The following DPH3 variants were observed in gnomAD, a reference collection of about 807,000 sequenced individuals.
DPH3 encodes the protein diphthamide biosynthesis 3, also known as diphthamide biosynthesis protein 3.
In DPH3, 8 loss-of-function variants were observed where a neutral mutation model predicts 10.2. The observed-to-expected ratio is 0.79, with a 90% confidence interval of 0.46 to 1.42. The LOEUF is 1.42. Ranked by LOEUF, DPH3 falls within the 40% of genes most tolerant of loss-of-function variation. DPH3 has a pLI of 0.00. For synonymous variants in DPH3, 35 were observed against 35.6 expected (o/e 0.98, Z 0.06); for missense variants, 96 against 98.9 (o/e 0.97, Z 0.12).
rs1216667171 is a variant in DPH3, at chr3:16,260,686, G to A, written c.*78C>T. 6.9e-6 allele frequency: 9 copies of A among 1,296,394 alleles called. No individual in the cohort carries two copies. The highest frequency in any genetic ancestry group is 9.9e-6 in the Non-Finnish European group (9 of 909,274). The allele number at this position is 1,296,394 out of a possible 1,614,324, so 80.3% of individuals were successfully genotyped here. On this transcript the variant is annotated 3_prime_UTR_variant, in exon 3 of 3. Transcript: ENST00000488423. ...GCAAATCATAAATGGTTGTCTCTGTGAAGCCAGTAGCTTTGCATTCGATAT... is the reference window on the plus strand; with the variant it reads ...GCAAATCATAAATGGTTGTCTCTGTAAAGCCAGTAGCTTTGCATTCGATAT...
chr3:16,264,168 ACT>A lies in DPH3; in HGVS notation c.168_169del (p.Lys56AsnfsTer4). The stretch of plus-strand genomic sequence containing the variant: ...TATATCCCTTACTTTGTCATAAATC[ACT>A]TTTATAATGAGAGAGCAGCTAGGAC... On this transcript the variant is annotated frameshift_variant, in exon 2 of 3. Transcript: ENST00000488423. LOFTEE classifies it high-confidence loss of function. 6.2e-7 allele frequency: 1 copy of A among 1,609,534 alleles called. No homozygotes were observed. Among genetic ancestry groups the A allele is most frequent in the Non-Finnish European group, 8.5e-7 (1 of 1,177,094 alleles).
At chr3:16,264,257 C>T in intron 1 of DPH3, 28 bp from the exon 2 acceptor site, 1 of 1,576,862 alleles carries the variant, frequency 6.3e-7, no homozygotes, top group East Asian at 2.3e-5. Flanking sequence ...ACCATGTGGT[C>T]AGGATAGCTT....
At position 16,258,184 on chromosome 3, in the gene DPH3, G is replaced by C. The variant is rs1382741060; in HGVS notation, c.*2580C>G. 6.6e-6 allele frequency: 1 copy of C among 152,142 alleles called. No homozygotes were observed. The highest frequency in any genetic ancestry group is 1.9e-4 in the East Asian group (1 of 5,190). The allele number at this position is 152,142 out of a possible 1,614,324, so 9.4% of individuals were successfully genotyped here. On this transcript the variant is annotated 3_prime_UTR_variant, in exon 3 of 3. Coordinates refer to ENST00000488423, the MANE Select transcript of DPH3 (RefSeq NM_206831.3). ...GGTAACATCAAGTTTTGGAAGAATGGACTTTTTCTGTAATTCATGATTTAG... is the reference window on the plus strand; with the variant it reads ...GGTAACATCAAGTTTTGGAAGAATGCACTTTTTCTGTAATTCATGATTTAG...
In DPH3 at chr3:16,264,934, G is replaced by T. The variant is rs1025015456; in HGVS notation, c.-58C>A. 2 of 1,587,268 alleles carry T rather than the reference G, an allele frequency of 1.3e-6. No homozygotes were observed. Among genetic ancestry groups the T allele is most frequent in the African/African-American group, 2.7e-5 (2 of 74,468 alleles). Reference sequence around the variant, plus strand: ...CAGCAGTCCGAGGCCAGCTCCGAGGGTTTAACTTCGCCGGAACCGGCCTGG... The same window carrying T: ...CAGCAGTCCGAGGCCAGCTCCGAGGTTTTAACTTCGCCGGAACCGGCCTGG... On this transcript the variant is annotated 5_prime_UTR_variant, in exon 1 of 3. Coordinates refer to ENST00000488423, the MANE Select transcript of DPH3 (RefSeq NM_206831.3).
rs756822406 is a variant in DPH3 at position 16,259,490 on chromosome 3, G to A, written c.*1274C>T. 4 of 152,054 alleles carry A rather than the reference G, an allele frequency of 2.6e-5. No individual in the cohort carries two copies. The highest frequency in any genetic ancestry group is 6.6e-5 in the Admixed American group (1 of 15,260). 9.4% of individuals were successfully genotyped at this position (152,054 alleles called of 1,614,324 possible). A position where few individuals can be genotyped will look rare whatever the true frequency, so the allele number is the denominator to read the frequency against. Reference sequence around the variant, plus strand: ...GAAGCCATTCCTAAAACAACCTGACGGACATCACTGCATTAATAAATATTT... The same window carrying A: ...GAAGCCATTCCTAAAACAACCTGACAGACATCACTGCATTAATAAATATTT... On this transcript the variant is annotated 3_prime_UTR_variant, in exon 3 of 3. Transcript: ENST00000488423.
rs932279571 is a variant in DPH3 at position 16,262,293 on chromosome 3, C to T, written c.184-1464G>A. On this transcript the variant is annotated intron_variant, in intron 2 of 2. Transcript: ENST00000488423. This position sits in a 1 kb window ranked among gnomAD's most constrained non-coding sequence, Gnocchi z 4.7. ...CTGCCCATTGGTTTCTTCACTCATG[C>T]GCTGTTCCTGTTACTCCATGGAAAC... Among the ~76,000 whole-genome samples, 16 of 152,192 alleles carry T rather than the reference C, an allele frequency of 1.1e-4. No individual in the cohort carries two copies. The highest frequency in any genetic ancestry group is 3.6e-4 in the African/African-American group (15 of 41,444).
Position 16,264,864 on chromosome 3 carries a change from G to C in DPH3, c.13C>G (p.His5Asp). The change falls in exon 1 of 3, where the codon CAT becomes GAT. Residue 5 changes from histidine to aspartate, a missense_variant. Transcript: ENST00000488423. MAVF[H>D]DEVEIEDFQY... is the part of the protein sequence containing the mutation. ...AAGTCCTCGATTTCCACCTCGTCAT[G>C]AAACACTGCCATGGTCAGCGGGGGT... 6.2e-7 allele frequency: 1 copy of C among 1,614,230 alleles called. No homozygotes were observed. The highest frequency in any genetic ancestry group is 1.1e-5 in the South Asian group (1 of 91,088).
At position 16,264,670 on chromosome 3, in the gene DPH3, G is replaced by T. The variant is rs2064366883; in HGVS notation, c.108+99C>A. The T allele has an allele frequency of 2.6e-6, 3 of 1,168,356 alleles. No homozygotes were observed. In the Admixed American group the frequency reaches 6.3e-5, roughly 24 times the overall value. 72.4% of individuals were successfully genotyped at this position (1,168,356 alleles called of 1,614,324 possible). A position where few individuals can be genotyped will look rare whatever the true frequency, so the allele number is the denominator to read the frequency against. On this transcript the variant is annotated intron_variant, in intron 1 of 2. Coordinates refer to ENST00000488423, the MANE Select transcript of DPH3 (RefSeq NM_206831.3). ...ATTCAGCAACGGGAAAGAGGGCGTGGGTGACACAGCGCAGCAAAGGCTACC... is the reference window on the plus strand; with the variant it reads ...ATTCAGCAACGGGAAAGAGGGCGTGTGTGACACAGCGCAGCAAAGGCTACC...
At chr3:16,264,677 C>G (rs888006915) in intron 1 of DPH3, 92 bp downstream of exon 1, 1 of 1,254,284 alleles carries the variant, frequency 8.0e-7, no homozygotes, top group Non-Finnish European at 1.1e-6. Flanking sequence ...GTGGGTGACA[C>G]AGCGCAGCAA....
In DPH3 at chr3:16,264,234, A is replaced by C; in HGVS notation, c.109-5T>G. On this transcript the variant is annotated splice_polypyrimidine_tract_variant and splice_region_variant and intron_variant, in intron 1 of 2. Transcript: ENST00000488423. ...TTCCCCATTCTCCAAATCTTCCTAC[A>C]ACGAAATCAAATACCATGTGGTCAG... The C allele has an allele frequency of 6.3e-7, 1 of 1,599,420 alleles. No homozygotes were observed. The highest frequency in any genetic ancestry group is 8.5e-7 in the Non-Finnish European group (1 of 1,170,542).
In DPH3 at chr3:16,264,770, T is replaced by C. The variant is rs547736683; in HGVS notation, c.107A>G (p.Lys36Arg). ...CPCGDNFSIT[K>R]EDLENGEDVA... ...CGCCGGGCGGGACCCTGAAGTTACC[T>C]TGGTGATGGAGAAGTTATCTCCACA... is the stretch of plus-strand genomic sequence containing the variant. Residue 36 changes from lysine (K) to arginine (R), a missense_variant and splice_region_variant, in exon 1 of 3, where the codon AAG (lysine) becomes AGG (arginine). Lys to Arg is a conservative substitution (Grantham distance 26). Coordinates refer to ENST00000488423, the MANE Select transcript of DPH3 (RefSeq NM_206831.3). 73 of 1,614,056 alleles carry C rather than the reference T, an allele frequency of 4.5e-5. No individual in the cohort carries two copies. The Middle Eastern group carries it at 6.6e-4, about 15-fold the overall frequency.
intron 1 of DPH3, 140 bp downstream of exon 1, chr3:16,264,629 A>C: frequency 1.3e-6 from 1 of 787,556 alleles, no homozygotes; most frequent in Non-Finnish European, 2.0e-6. Flanking sequence ...GGGTGGGGGG[A>C]CGCGGGAGGA....
rs1169910609 is a variant in DPH3 at position 16,258,665 on chromosome 3, C to A, written c.*2099G>T. The A allele has an allele frequency of 6.6e-6, 1 of 152,156 alleles. No homozygotes were observed. Among genetic ancestry groups the A allele is most frequent in the East Asian group, 1.9e-4 (1 of 5,196 alleles). 9.4% of individuals were successfully genotyped at this position (152,156 alleles called of 1,614,324 possible). Reference sequence around the variant, plus strand: ...ACAGGGTCTTTCTATGTTGCCCAGGCTAGTCTTGAACTCCTGGCCTCACAT... The same window carrying A: ...ACAGGGTCTTTCTATGTTGCCCAGGATAGTCTTGAACTCCTGGCCTCACAT... On this transcript the variant is annotated 3_prime_UTR_variant, in exon 3 of 3. Coordinates refer to ENST00000488423, the MANE Select transcript of DPH3 (RefSeq NM_206831.3).
rs1276161676 is a variant in DPH3, at chr3:16,260,748, A to C, written c.*16T>G. The C allele has an allele frequency of 1.2e-6, 2 of 1,611,010 alleles. No individual in the cohort carries two copies. The highest frequency in any genetic ancestry group is 2.2e-5 in the South Asian group (2 of 90,666). ...CTCATTCCAAATGTTCAGGATTTGG[A>C]TTCCTGAAGGCTTCTTCAGCATTTA... On this transcript the variant is annotated 3_prime_UTR_variant, in exon 3 of 3. Transcript: ENST00000488423.
rs1042628593 is a variant in DPH3 at position 16,260,591 on chromosome 3, C to T, written c.*173G>A. On this transcript the variant is annotated 3_prime_UTR_variant, in exon 3 of 3. Coordinates refer to ENST00000488423, the MANE Select transcript of DPH3 (RefSeq NM_206831.3). ...TTCTAAGCACAAAATCCAGATATGT[C>T]ATGTTATGGACTTGCTTCCTGAAGA... 2.1e-5 allele frequency: 11 copies of T among 521,480 alleles called. No individual in the cohort carries two copies. The South Asian group carries it at 4.3e-4, about 21-fold the overall frequency. 32.3% of individuals were successfully genotyped at this position (521,480 alleles called of 1,614,324 possible). A position where few individuals can be genotyped will look rare whatever the true frequency, so the allele number is the denominator to read the frequency against.
At position 16,260,056 on chromosome 3, in the gene DPH3, G is replaced by GAAATATTCATCTT. The variant is rs2064282642; in HGVS notation, c.*707_*708insAAGATGAATATTT. On this transcript the variant is annotated 3_prime_UTR_variant, in exon 3 of 3. Coordinates refer to ENST00000488423, the MANE Select transcript of DPH3 (RefSeq NM_206831.3). Reference sequence around the variant, plus strand: ...CTTTTCATCTTGTCCTGACTTCCAAGGAATATGCAGAATATAAGAAAAGTC... The same window carrying GAAATATTCATCTT: ...CTTTTCATCTTGTCCTGACTTCCAAGAAATATTCATCTTGAATATGCAGAATATAAGAAAAGTC... 2 of 152,156 alleles carry GAAATATTCATCTT rather than the reference G, an allele frequency of 1.3e-5. No individual in the cohort carries two copies. The highest frequency in any genetic ancestry group is 2.9e-5 in the Non-Finnish European group (2 of 68,026). The allele number at this position is 152,156 out of a possible 1,614,324, so 9.4% of individuals were successfully genotyped here.
In DPH3 at chr3:16,260,733, A is replaced by T; in HGVS notation, c.*31T>A. 6.3e-7 allele frequency: 1 copy of T among 1,595,830 alleles called. No individual in the cohort carries two copies. Among genetic ancestry groups the T allele is most frequent in the Non-Finnish European group, 8.6e-7 (1 of 1,164,642 alleles). The stretch of plus-strand genomic sequence containing the variant: ...ATATTTCTATCTGGGCTCATTCCAA[A>T]TGTTCAGGATTTGGATTCCTGAAGG... On this transcript the variant is annotated 3_prime_UTR_variant, in exon 3 of 3. Transcript: ENST00000488423.
rs2064333933 is a variant in DPH3 at position 16,263,817 on chromosome 3, TCTAGCAG to T, written c.183+331_183+337del. ...ATACAATTGTTCCCTTCAAAGTAAGTCTAGCAGCTCTAAACAATTTTAATTACATATT... is the reference window on the plus strand; with the variant it reads ...ATACAATTGTTCCCTTCAAAGTAAGTCTCTAAACAATTTTAATTACATATT... On this transcript the variant is annotated intron_variant, in intron 2 of 2. Transcript: ENST00000488423. The surrounding 1 kb of genome is among the most constrained non-coding windows in gnomAD (Gnocchi z 4.0). Among the ~76,000 whole-genome samples, 2 of 152,176 alleles carry T rather than the reference TCTAGCAG, an allele frequency of 1.3e-5. No homozygotes were observed. Among genetic ancestry groups the T allele is most frequent in the African/African-American group, 4.8e-5 (2 of 41,446 alleles).
At chr3:16,264,645 A>G in intron 1 of DPH3, 124 bp downstream of exon 1, 2 of 942,162 alleles carry the variant, frequency 2.1e-6, no homozygotes, top group Non-Finnish European at 3.2e-6. Context: ...GAGGAGGAAG[A>G]TTCAGCAACG....
Sources: gnomAD v4.1 joint callset for allele counts (sites outside exome capture counted in the v4.1 genomes callset) on GRCh38, gnomAD v4.1.1 for gene constraint, Gnocchi (gnomAD v3.1) non-coding constraint, MANE v1.5 for transcripts, NCBI Gene and HGNC (gene_info 2026-07-23, HGNC 2026-07-21) for gene names.